Variants in DCAF1 observed in about 807,000 individuals in gnomAD.
The protein encoded by DCAF1 is DDB1 and CUL4 associated factor 1, also known as DDB1- and CUL4-associated factor 1.
A neutral mutation model predicts 128.0 loss-of-function variants in DCAF1; 15 were observed. The observed-to-expected ratio is 0.12, with a 90% CI of 0.08 to 0.18. The LOEUF (loss-of-function observed/expected upper bound fraction) is 0.18, where lower values mean the gene tolerates loss of function less well. DCAF1 is among the 10% of genes least tolerant of loss of function. The probability of loss-of-function intolerance (pLI) is 1.00; values close to 1 mark genes in which losing one functional copy is unlikely to be tolerated. For synonymous variants in DCAF1, 610 were observed against 603.0 expected, an observed-to-expected ratio of 1.01 and a Z score of -0.17; for missense variants, 988 against 1,649.5, an observed-to-expected ratio of 0.60 and a Z score of 6.95.
intron 5 of DCAF1, among the ~76,000 whole-genome samples, chr3:51,463,589 C>T (rs2108071825): frequency 6.6e-6 from 1 of 152,044 alleles, no homozygotes; most frequent in East Asian, 1.9e-4. Context: ...TTGAAACCAG[C>T]CTGGACAACA....
intron 23 of DCAF1, among the ~76,000 whole-genome samples, chr3:51,407,038 C>CA (rs1288267494): frequency 1.3e-5 from 2 of 151,808 alleles, no homozygotes; most frequent in African/African-American, 4.8e-5. Context: ...TACTAAAATA[C>CA]AAAATTAGTC....
chr3:51,445,557 T>C (rs1273435544), intron 6 of DCAF1, among the ~76,000 whole-genome samples: 4 of 152,220 alleles, frequency 2.6e-5, no homozygotes, highest in African/African-American at 9.6e-5. Flanking sequence ...AGAGCTAGGA[T>C]GTGAACCTAG....
chr3:51,463,713 G>A (rs1274068815), intron 5 of DCAF1, among the ~76,000 whole-genome samples: 3 of 152,048 alleles, frequency 2.0e-5, no homozygotes, highest in African/African-American at 4.8e-5. Context: ...AGCCCAGGAT[G>A]TCAAGGGTGA....
chr3:51,413,426 CA>C (rs1293021077), intron 20 of DCAF1, 40 bp from the exon 21 acceptor site: 1 of 1,585,690 alleles, frequency 6.3e-7, no homozygotes, highest in Non-Finnish European at 8.6e-7. Flanking sequence ...TTAGGAATCA[CA>C]AACATCCCCT....
intron 15 of DCAF1, 134 bp downstream of exon 15, chr3:51,419,600 C>A: frequency 1.4e-6 from 2 of 1,424,604 alleles, no homozygotes; most frequent in South Asian, 1.5e-5. Flanking sequence ...AAAGGTGGTA[C>A]AATTACATTG....
chr3:51,478,090 A>G (rs1553651357), intron 3 of DCAF1, among the ~76,000 whole-genome samples: 1 of 152,102 alleles, frequency 6.6e-6, no homozygotes, highest in Admixed American at 6.6e-5. Context: ...TGCAGCCTCG[A>G]CCTACCTGGC....
chr3:51,446,963 A>AATAATAATAAT (rs1701913898), intron 6 of DCAF1, among the ~76,000 whole-genome samples: 22 of 136,990 alleles, frequency 1.6e-4, no homozygotes, highest in East Asian at 6.3e-4. Flanking sequence ...TTTGTCTCAA[A>AATAATAATAAT]AATAATAATA....
intron 2 of DCAF1, among the ~76,000 whole-genome samples, chr3:51,492,406 C>A (rs181507650): frequency 1.3e-5 from 2 of 151,558 alleles, no homozygotes; most frequent in African/African-American, 4.8e-5. Flanking sequence ...CCCAGCTACT[C>A]GGGAGGTTGA....
intron 6 of DCAF1, among the ~76,000 whole-genome samples, chr3:51,451,995 G>C (rs1407802284): frequency 6.6e-6 from 1 of 152,016 alleles, no homozygotes; most frequent in East Asian, 1.9e-4. Context: ...TTAAAAAAAA[G>C]TACATGTTAC....
chr3:51,489,358 A>AAG (rs1553656874), intron 2 of DCAF1, among the ~76,000 whole-genome samples: 1 of 152,110 alleles, frequency 6.6e-6, no homozygotes, highest in Non-Finnish European at 1.5e-5. Context: ...GCTTGAATCG[A>AAG]AGAGGCAGAC....
At chr3:51,462,762 A>G (rs908525594) in intron 6 of DCAF1, among the ~76,000 whole-genome samples, 1 of 151,334 alleles carries the variant, frequency 6.6e-6, no homozygotes, top group African/African-American at 2.4e-5. Flanking sequence ...AAAAAAAAAA[A>G]AAAACTATAG....
upstream of DCAF1, among the ~76,000 whole-genome samples, chr3:51,504,670 C>T (rs148939437): frequency 1.3e-5 from 2 of 152,216 alleles, no homozygotes; most frequent in African/African-American, 4.8e-5. Context: ...TTTAGAAAGA[C>T]CATTCTACAG....
At chr3:51,443,318 C>T (rs1211922025) in intron 7 of DCAF1, among the ~76,000 whole-genome samples, 2 of 152,040 alleles carry the variant, frequency 1.3e-5, no homozygotes, top group East Asian at 1.9e-4. Context: ...CTGCCAGACA[C>T]GGTGGCTCAC....
chr3:51,470,342 C>T (rs1704595420), intron 4 of DCAF1, among the ~76,000 whole-genome samples: 1 of 152,154 alleles, frequency 6.6e-6, no homozygotes, highest in African/African-American at 2.4e-5. Context: ...GGGAGGATAG[C>T]TTGTGTCCAG....
At chr3:51,462,299 G>A (rs1703683827) in intron 6 of DCAF1, among the ~76,000 whole-genome samples, 1 of 152,140 alleles carries the variant, frequency 6.6e-6, no homozygotes, top group South Asian at 2.1e-4. Flanking sequence ...GCGTACACCT[G>A]TAATCCCAGG....
chr3:51,495,233 A>C (rs1023975778), intron 2 of DCAF1, among the ~76,000 whole-genome samples: 4 of 152,172 alleles, frequency 2.6e-5, no homozygotes, highest in African/African-American at 7.2e-5. Flanking sequence ...CTGAGGCAGG[A>C]GAATCGCTTG....
At position 51,413,009 on chromosome 3, in the gene DCAF1, T is replaced by G. The variant is rs782657004; in HGVS notation, c.4094A>C (p.Tyr1365Ser). ...TCCCTTTACCTCAATGACAGCAAGA[T>G]AGCAGTCTTTGGTGTCTGTACACAG... is the stretch of plus-strand genomic sequence containing the variant. ...FDLCTDTKDC[Y>S]LAVIENQGSM... is the part of the protein sequence containing the mutation. The change falls in exon 22 of 25, where the codon TAT becomes TCT. Residue 1365 changes from tyrosine to serine, a missense_variant. Transcript: ENST00000684031. 1 of 1,613,876 alleles carries G rather than the reference T, an allele frequency of 6.2e-7. No homozygotes were observed. The highest frequency in any genetic ancestry group is 1.3e-5 in the African/African-American group (1 of 74,930).
rs1188376444 is a variant in DCAF1, at chr3:51,418,022, T to C, written c.3518+94A>G. 20 of 1,475,986 alleles carry C rather than the reference T, an allele frequency of 1.4e-5. No homozygotes were observed. In the East Asian group the frequency reaches 2.2e-4, roughly 17 times the overall value. 91.4% of individuals were successfully genotyped at this position (1,475,986 alleles called of 1,614,324 possible). On this transcript the variant is annotated intron_variant, in intron 17 of 24. Transcript: ENST00000684031. The stretch of plus-strand genomic sequence containing the variant: ...GTTAACAATAACCGACAGCATCCTC[T>C]TTCCCCAAAAGGCTTCCAGTCTAAG...
intron 24 of DCAF1, 44 bp downstream of exon 24, chr3:51,403,099 G>A: frequency 6.4e-7 from 1 of 1,563,362 alleles, no homozygotes; most frequent in Non-Finnish European, 8.7e-7. Flanking sequence ...AAGGGATCTT[G>A]CCCTGGGTGC....
Sources: gnomAD v4.1 joint callset for allele counts (sites outside exome capture counted in the v4.1 genomes callset) on GRCh38, gnomAD v4.1.1 for gene constraint, MANE v1.5 for transcripts, NCBI Gene and HGNC (gene_info 2026-07-23, HGNC 2026-07-21) for gene names.